Variants in CYREN observed in about 807,000 individuals in gnomAD.
CYREN encodes cell cycle regulator of NHEJ.
CYREN carries 7 observed loss-of-function variants against 9.7 expected under a neutral mutation model. The ratio of observed to expected loss-of-function variants is 0.72; its 90% confidence interval spans 0.41 to 1.36. The LOEUF (loss-of-function observed/expected upper bound fraction) is 1.36, where lower values mean the gene tolerates loss of function less well. Ranked by LOEUF, CYREN falls within the 40% of genes most tolerant of loss-of-function variation. The pLI is 0.01. For synonymous variants in CYREN, 76 were observed against 77.9 expected (o/e 0.98, Z 0.13); for missense variants, 215 against 198.1 (o/e 1.09, Z -0.51).
intron 2 of CYREN, among the ~76,000 whole-genome samples, chr7:135,095,121 A>G (rs1053215648): frequency 1.3e-5 from 2 of 151,918 alleles, no homozygotes; most frequent in African/African-American, 4.8e-5. Context: ...ACCTTATCCT[A>G]TTTTCGGGGA....
intron 2 of CYREN, 67 bp from the exon 3 acceptor site, chr7:135,167,874 G>T: frequency 6.2e-7 from 1 of 1,607,972 alleles, no homozygotes. Flanking sequence ...AAAGAGAACA[G>T]GAGAAGCAGG....
chr7:135,161,789 G>A (rs991298236), downstream of CYREN, among the ~76,000 whole-genome samples: 1 of 152,156 alleles, frequency 6.6e-6, no homozygotes, highest in South Asian at 2.1e-4. This position sits in a 1 kb window ranked among gnomAD's most constrained non-coding sequence, Gnocchi z 4.1. Context: ...CTTTGACAGT[G>A]CCACCCAAGG....
intron 2 of CYREN, among the ~76,000 whole-genome samples, chr7:135,148,930 T>C (rs1829607491): frequency 6.6e-6 from 1 of 152,212 alleles, no homozygotes; most frequent in Admixed American, 6.5e-5. Context: ...ACTTCCACTA[T>C]GCTTCTTCGC....
intron 2 of CYREN, among the ~76,000 whole-genome samples, chr7:135,106,657 T>C (rs2117086390): frequency 6.6e-6 from 1 of 152,296 alleles, no homozygotes; most frequent in Middle Eastern, 3.4e-3. Context: ...TCACCAAGGA[T>C]ATTGGCCTGA....
intron 2 of CYREN, among the ~76,000 whole-genome samples, chr7:135,120,192 A>G (rs1826942942): frequency 6.6e-6 from 1 of 152,228 alleles, no homozygotes; most frequent in Non-Finnish European, 1.5e-5. Context: ...TACGGTAAGC[A>G]AAAATACAGG....
intron 2 of CYREN, among the ~76,000 whole-genome samples, chr7:135,125,003 G>A (rs1369103284): frequency 6.6e-6 from 1 of 152,012 alleles, no homozygotes; most frequent in Non-Finnish European, 1.5e-5. Flanking sequence ...AGAGAGGCAA[G>A]AGCAAACTAA....
At chr7:135,105,070 G>GTTTTTT (rs71172498) in intron 2 of CYREN, among the ~76,000 whole-genome samples, 1 of 127,078 alleles carries the variant, frequency 7.9e-6, no homozygotes, top group African/African-American at 3.0e-5. Flanking sequence ...TTACATTCAA[G>GTTTTTT]TTTTTTTTTT....
Position 135,148,093 on chromosome 7 carries a change from G to T in CYREN, n.356+20656C>A, listed in dbSNP as rs753203033. The T allele has an allele frequency of 1.2e-4, 54 of 456,040 alleles. 2 individuals carry two copies. Among genetic ancestry groups the T allele is most frequent in the South Asian group, 6.7e-4 (43 of 64,564 alleles). 28.2% of individuals were successfully genotyped at this position (456,040 alleles called of 1,614,324 possible). On this transcript the variant is annotated intron_variant and non_coding_transcript_variant, in intron 2 of 2. Transcript: ENST00000459937. The stretch of plus-strand genomic sequence containing the variant: ...GTTCAGAGAGCTGTTTACTAGGCAC[G>T]ACTGCGAAGGCAAGGGGGCACCAGC...
chr7:135,170,046 A>C (rs544260081), intron 1 of CYREN, among the ~76,000 whole-genome samples: 17 of 152,380 alleles, frequency 1.1e-4, no homozygotes, highest in Admixed American at 2.0e-4. Flanking sequence ...CTGTGCGGAC[A>C]AATTTAGTTC....
At chr7:135,142,247 A>G (rs1220117068) in intron 2 of CYREN, among the ~76,000 whole-genome samples, 1 of 152,176 alleles carries the variant, frequency 6.6e-6, no homozygotes, top group African/African-American at 2.4e-5. Flanking sequence ...ATAAACAGAT[A>G]ATGTAAACTT....
intron 2 of CYREN, chr7:135,129,480 C>A: frequency 1.3e-6 from 1 of 773,616 alleles, no homozygotes; most frequent in Non-Finnish European, 2.4e-6. Context: ...CAAGAACTGA[C>A]CATGTTGTGG....
chr7:135,125,521 G>A (rs1827753420), intron 2 of CYREN, among the ~76,000 whole-genome samples: 1 of 152,110 alleles, frequency 6.6e-6, no homozygotes, highest in Non-Finnish European at 1.5e-5. Context: ...GAAAAGGAGG[G>A]ACTCCTCCCT....
At chr7:135,094,676 G>A in intron 2 of CYREN, 1 of 366,446 alleles carries the variant, frequency 2.7e-6, no homozygotes. Flanking sequence ...AACTCTAAAA[G>A]GAGAAAATCA....
At chr7:135,108,030 C>G (rs954429345) in intron 2 of CYREN, among the ~76,000 whole-genome samples, 3 of 151,946 alleles carry the variant, frequency 2.0e-5, no homozygotes, top group Non-Finnish European at 4.4e-5. Flanking sequence ...ATTAGGATTG[C>G]AACCCCTGCT....
intron 1 of CYREN, among the ~76,000 whole-genome samples, chr7:135,170,044 A>C (rs1361586329): frequency 6.6e-6 from 1 of 152,252 alleles, no homozygotes; most frequent in African/African-American, 2.4e-5. Context: ...GTCTGTGCGG[A>C]CAAATTTAGT....
intron 2 of CYREN, among the ~76,000 whole-genome samples, chr7:135,130,626 A>G (rs1026867409): frequency 6.6e-6 from 1 of 151,872 alleles, no homozygotes; most frequent in African/African-American, 2.4e-5. Flanking sequence ...ATATAATCAT[A>G]TTATTCATAT....
chr7:135,159,978 T>A (rs139397011), intron 2 of CYREN, among the ~76,000 whole-genome samples: 1 of 152,222 alleles, frequency 6.6e-6, no homozygotes, highest in Non-Finnish European at 1.5e-5. Flanking sequence ...ATAGCATTCA[T>A]AGCATTATAA....
At chr7:135,162,336 C>A (rs1178754096), downstream of CYREN, among the ~76,000 whole-genome samples, 1 of 152,220 alleles carries the variant, frequency 6.6e-6, no homozygotes, top group Non-Finnish European at 1.5e-5. Flanking sequence ...TTCCAGGAGG[C>A]CATTTGGTAT....
Position 135,098,904 on chromosome 7 carries a change from A to G in CYREN, n.357-4322T>C, listed in dbSNP as rs528980055. Among the ~76,000 whole-genome samples the G allele has an allele frequency of 2.0e-5, 3 of 152,334 alleles. No homozygotes were observed. The East Asian group carries it at 5.8e-4, about 29-fold the overall frequency. On this transcript the variant is annotated intron_variant and non_coding_transcript_variant, in intron 2 of 2. Transcript: ENST00000459937. ...AATAATAATATGACATATAAAACTT[A>G]AATATCCACTAAAGAGCTAAAATGT... is the stretch of plus-strand genomic sequence containing the variant.
Sources: allele counts gnomAD v4.1 joint callset (sites outside exome capture counted in the v4.1 genomes callset), GRCh38; gene constraint gnomAD v4.1.1; non-coding constraint Gnocchi (gnomAD v3.1); transcripts MANE v1.5; gene names NCBI Gene and HGNC (gene_info 2026-07-23, HGNC 2026-07-21).